Variants in SEPTIN14 observed in about 807,000 individuals in gnomAD.
The protein encoded by SEPTIN14 is septin 14, also known as septin-14.
SEPTIN14 carries 40 observed loss-of-function variants against 53.6 expected under a neutral mutation model. The ratio of observed to expected loss-of-function variants is 0.75; its 90% confidence interval spans 0.58 to 0.97. The LOEUF is 0.97. Among genes scored for constraint, SEPTIN14 ranks in the 50% least tolerant of loss-of-function variants. The pLI is 0.00. For missense variants in SEPTIN14, 471 were observed against 508.2 expected (o/e 0.93, Z 0.70); for synonymous variants, 138 against 166.8 (o/e 0.83, Z 1.33).
intron 7 of SEPTIN14, chr7:55,810,790 A>G: frequency 5.0e-6 from 1 of 202,004 alleles, no homozygotes; most frequent in Non-Finnish European, 1.0e-5. Flanking sequence ...CTTTTGTTAT[A>G]AATCCGCTCT....
At chr7:55,829,597 T>A (rs915301640) in intron 6 of SEPTIN14, among the ~76,000 whole-genome samples, 3 of 151,920 alleles carry the variant, frequency 2.0e-5, no homozygotes, top group Middle Eastern at 6.8e-3. Flanking sequence ...GTTAAATTCA[T>A]CCCTCCCTGC....
chr7:55,819,134 A>G lies in SEPTIN14; in HGVS notation c.810T>C (p.Val270=), dbSNP rs755048652. 2 of 1,572,822 alleles carry G rather than the reference A, an allele frequency of 1.3e-6. No individual in the cohort carries two copies. Among genetic ancestry groups the G allele is most frequent in the Admixed American group, 3.7e-5 (2 of 54,566 alleles). ...GCCCTCTGTCATTTTTACCTTGCAA[A>G]ACTCCCCAAGGGTAGTGACGGCCTC... ...MVRGRHYPWG[V]LQVENENHCD... is the part of the protein sequence containing the mutation. Residue 270 remains valine, a synonymous_variant, in exon 7 of 10, where the codon GTT becomes GTC. Coordinates refer to ENST00000388975, the MANE Select transcript of SEPTIN14 (RefSeq NM_207366.3).
At chr7:55,803,561 G>A (rs1264195166) in intron 9 of SEPTIN14, among the ~76,000 whole-genome samples, 1 of 152,036 alleles carries the variant, frequency 6.6e-6, no homozygotes, top group Non-Finnish European at 1.5e-5. Flanking sequence ...CCCACTAATA[G>A]TTATGTGTTC....
At chr7:55,855,483 C>T (rs184970277) in intron 2 of SEPTIN14, among the ~76,000 whole-genome samples, 1 of 152,278 alleles carries the variant, frequency 6.6e-6, no homozygotes, top group African/African-American at 2.4e-5. Context: ...GAGCAAATTG[C>T]TAGAACATGC....
At chr7:55,835,892 G>A (rs1360017795) in intron 5 of SEPTIN14, among the ~76,000 whole-genome samples, 2 of 151,920 alleles carry the variant, frequency 1.3e-5, no homozygotes, top group Admixed American at 6.6e-5. Flanking sequence ...ACAGGTGCCC[G>A]CCACCATACC....
chr7:55,858,721 T>C (rs1415903772), intron 2 of SEPTIN14, among the ~76,000 whole-genome samples: 1 of 152,078 alleles, frequency 6.6e-6, no homozygotes, highest in Non-Finnish European at 1.5e-5. Flanking sequence ...GGAGAATCGC[T>C]TGAACTCAGG....
At chr7:55,849,274 G>A (rs933369527) in intron 2 of SEPTIN14, among the ~76,000 whole-genome samples, 7 of 151,714 alleles carry the variant, frequency 4.6e-5, no homozygotes, top group Non-Finnish European at 8.8e-5. Context: ...GCAGTGAACT[G>A]AAATCGGACC....
intron 6 of SEPTIN14, among the ~76,000 whole-genome samples, chr7:55,821,838 A>T (rs1031215270): frequency 6.6e-6 from 1 of 152,204 alleles, no homozygotes; most frequent in Non-Finnish European, 1.5e-5. Context: ...CACCTATATT[A>T]GTCTGTTTTA....
chr7:55,845,465 A>G (rs1789386795), intron 3 of SEPTIN14, among the ~76,000 whole-genome samples: 1 of 152,216 alleles, frequency 6.6e-6, no homozygotes, highest in Non-Finnish European at 1.5e-5. Context: ...AGGAGTAGAA[A>G]TAAGTTTTGA....
At chr7:55,846,068 T>TATATATATATATATATACAC (rs1285833583) in intron 3 of SEPTIN14, among the ~76,000 whole-genome samples, 15 of 103,222 alleles carry the variant, frequency 1.5e-4, no homozygotes, top group African/African-American at 5.0e-4. Flanking sequence ...AAAAAAAGTA[T>TATATATATATATATATACAC]ATATATATAT....
chr7:55,853,443 A>C (rs1475915621), intron 2 of SEPTIN14, among the ~76,000 whole-genome samples: 1 of 152,180 alleles, frequency 6.6e-6, no homozygotes, highest in Non-Finnish European at 1.5e-5. Flanking sequence ...CAAACTTCAC[A>C]TGTTCTCACT....
Position 55,805,248 on chromosome 7 carries a change from C to T in SEPTIN14, c.1119+10G>A. On this transcript the variant is annotated intron_variant, in intron 9 of 9. Transcript: ENST00000388975. ...ATTAATACAAATTATATCAAACTGT[C>T]AGTACTAACCTCTTTTTCAGCTTCT... The T allele has an allele frequency of 6.2e-7, 1 of 1,605,032 alleles. No homozygotes were observed. The highest frequency in any genetic ancestry group is 1.3e-5 in the African/African-American group (1 of 74,544).
chr7:55,805,260 CT>C lies in SEPTIN14; in HGVS notation c.1116del (p.Glu373SerfsTer11). The stretch of plus-strand genomic sequence containing the variant: ...TATATCAAACTGTCAGTACTAACCT[CT>C]TTTTCAGCTTCTTTAAATGTTGCTT... ...EKEATFKEAE[K>X]ELQDKFEHLK... On this transcript the variant is annotated frameshift_variant, in exon 9 of 10. Transcript: ENST00000388975. LOFTEE classifies it high-confidence loss of function. The C allele has an allele frequency of 6.2e-7, 1 of 1,611,558 alleles. No homozygotes were observed. The highest frequency in any genetic ancestry group is 8.5e-7 in the Non-Finnish European group (1 of 1,178,700).
intron 5 of SEPTIN14, among the ~76,000 whole-genome samples, chr7:55,841,490 C>A (rs569660437): frequency 6.6e-6 from 1 of 151,812 alleles, no homozygotes. Flanking sequence ...GAGGCTGAGG[C>A]GGGCAGATCA....
chr7:55,844,776 A>C, intron 3 of SEPTIN14, 58 bp from the exon 4 acceptor site: 1 of 856,156 alleles, frequency 1.2e-6, no homozygotes, highest in South Asian at 3.2e-5. Flanking sequence ...AAAAAGCAAC[A>C]CTTTGAATTC....
intron 6 of SEPTIN14, among the ~76,000 whole-genome samples, chr7:55,824,310 T>G (rs900975498): frequency 6.6e-6 from 1 of 151,864 alleles, no homozygotes; most frequent in East Asian, 1.9e-4. Context: ...ACAACTCAAT[T>G]AAAAATGGGC....
chr7:55,825,304 G>A (rs1446197786), intron 6 of SEPTIN14, among the ~76,000 whole-genome samples: 4 of 152,144 alleles, frequency 2.6e-5, no homozygotes, highest in Non-Finnish European at 5.9e-5. Flanking sequence ...AAATTACGGA[G>A]AGTAAAAAGA....
rs1173775723 is a variant in SEPTIN14, at chr7:55,831,814, T to C, written c.720+2611A>G. Among the ~76,000 whole-genome samples, 5 of 152,036 alleles carry C rather than the reference T, an allele frequency of 3.3e-5. No individual in the cohort carries two copies. The East Asian group carries it at 9.6e-4, about 29-fold the overall frequency. On this transcript the variant is annotated intron_variant, in intron 6 of 9. Transcript: ENST00000388975. ...TCATTAAAAAAGACTGCAAAGGATA[T>C]GAACAGACATTTCTCAAAAGAAGAC...
At chr7:55,824,112 A>C (rs970319783) in intron 6 of SEPTIN14, among the ~76,000 whole-genome samples, 1 of 152,200 alleles carries the variant, frequency 6.6e-6, no homozygotes, top group Non-Finnish European at 1.5e-5. Flanking sequence ...CACTGAAAAC[A>C]TCATTGATGA....
Sources: allele counts gnomAD v4.1 joint callset (sites outside exome capture counted in the v4.1 genomes callset), GRCh38; gene constraint gnomAD v4.1.1; transcripts MANE v1.5; gene names NCBI Gene and HGNC (gene_info 2026-07-23, HGNC 2026-07-21).